The following PLCB1 variants were observed in gnomAD, a reference collection of about 807,000 sequenced individuals.
The protein encoded by PLCB1 is phospholipase C beta 1, also known as 1-phosphatidylinositol 4,5-bisphosphate phosphodiesterase beta-1.
PLCB1 carries 46 observed loss-of-function variants against 161.8 expected under a neutral mutation model. The ratio of observed to expected loss-of-function variants is 0.28; its 90% confidence interval spans 0.22 to 0.36. The LOEUF (loss-of-function observed/expected upper bound fraction) is 0.36, where lower values mean the gene tolerates loss of function less well. Among genes scored for constraint, PLCB1 ranks in the 10% least tolerant of loss-of-function variants. The pLI, the probability that PLCB1 is intolerant of heterozygous loss-of-function variation, is 1.00. For missense variants in PLCB1, 1,016 were observed against 1,472.5 expected, an observed-to-expected ratio of 0.69 and a Z score of 5.07; for synonymous variants, 517 against 503.7, an observed-to-expected ratio of 1.03 and a Z score of -0.35.
intron 3 of PLCB1, among the ~76,000 whole-genome samples, chr20:8,513,583 T>C (rs1428220036): frequency 6.6e-6 from 1 of 152,174 alleles, no homozygotes; most frequent in Non-Finnish European, 1.5e-5. Flanking sequence ...CATTGAAGTA[T>C]TGTAAGAATT....
rs61034981 is a variant in PLCB1, at chr20:8,308,242, G to A, written c.178-63140G>A. On this transcript the variant is annotated intron_variant, in intron 2 of 31. Coordinates refer to ENST00000338037, the MANE Select transcript of PLCB1 (RefSeq NM_015192.4). ...TTATTATTTAATAAACACATATATAGCACTTACCATCTGCCAAATTATTTA... is the reference window on the plus strand; with the variant it reads ...TTATTATTTAATAAACACATATATAACACTTACCATCTGCCAAATTATTTA... Among the ~76,000 whole-genome samples, 1,228 of 151,900 alleles carry A rather than the reference G, an allele frequency of 8.1e-3. 25 individuals carry two copies. The highest frequency in any genetic ancestry group is 0.027 in the African/African-American group (1,128 of 41,478).
intron 31 of PLCB1, among the ~76,000 whole-genome samples, chr20:8,793,286 A>G (rs1176508322): frequency 2.6e-5 from 4 of 152,186 alleles, no homozygotes; most frequent in African/African-American, 9.7e-5. Context: ...GCAGCAGGTA[A>G]TATTAAAGAC....
chr20:8,214,292 G>C lies in PLCB1; in HGVS notation c.177+63921G>C, dbSNP rs77878603. On this transcript the variant is annotated intron_variant, in intron 2 of 31. Coordinates refer to ENST00000338037, the MANE Select transcript of PLCB1 (RefSeq NM_015192.4). ...TGGAAGGTGATGGGATCATGGAAGC[G>C]GATTTCTCATGAATGGTTTAGCGCC... Among the ~76,000 whole-genome samples, 437 of 152,186 alleles carry C rather than the reference G, an allele frequency of 2.9e-3. 1 individual carries two copies. Among genetic ancestry groups the C allele is most frequent in the African/African-American group, 0.01 (420 of 41,532 alleles).
At chr20:8,838,957 G>A (rs180831383) in intron 31 of PLCB1, among the ~76,000 whole-genome samples, 9 of 152,280 alleles carry the variant, frequency 5.9e-5, no homozygotes, top group African/African-American at 2.2e-4. Context: ...CAGCTGTCAA[G>A]GCCAGCAATA....
intron 2 of PLCB1, among the ~76,000 whole-genome samples, chr20:8,335,083 T>C (rs575934765): frequency 1.4e-4 from 21 of 152,368 alleles, no homozygotes; most frequent in Admixed American, 1.0e-3. Context: ...TCCTATTGCC[T>C]GGGGAGTGTT....
intron 19 of PLCB1, 39 bp downstream of exon 19, chr20:8,733,431 T>C (rs752422128): frequency 4.5e-6 from 7 of 1,571,288 alleles, no homozygotes; most frequent in Non-Finnish European, 5.3e-6. Flanking sequence ...CTAACAATAG[T>C]GTTGAATTTA....
At chr20:8,324,214 GT>G (rs1291901991) in intron 2 of PLCB1, among the ~76,000 whole-genome samples, 1 of 82,598 alleles carries the variant, frequency 1.2e-5, no homozygotes, top group African/African-American at 4.6e-5. Flanking sequence ...GTGTGTGTGT[GT>G]GTGTGTGTGT....
chr20:8,465,543 C>A (rs1175387351), intron 3 of PLCB1, among the ~76,000 whole-genome samples: 1 of 152,134 alleles, frequency 6.6e-6, no homozygotes, highest in Admixed American at 6.6e-5. Flanking sequence ...TGCTCCAACT[C>A]ACACATTTGA....
intron 19 of PLCB1, among the ~76,000 whole-genome samples, chr20:8,734,812 C>T (rs1980496157): frequency 1.3e-5 from 2 of 151,968 alleles, no homozygotes; most frequent in African/African-American, 4.8e-5. Context: ...TTTTACTGGA[C>T]ATAAATGTAA....
At chr20:8,434,144 A>G (rs908316908) in intron 3 of PLCB1, among the ~76,000 whole-genome samples, 3 of 152,222 alleles carry the variant, frequency 2.0e-5, no homozygotes, top group Non-Finnish European at 2.9e-5. Flanking sequence ...TGAGGCAGGA[A>G]GATAGTTGAC....
chr20:8,253,327 G>A (rs1981252099), intron 2 of PLCB1, among the ~76,000 whole-genome samples: 1 of 151,902 alleles, frequency 6.6e-6, no homozygotes, highest in Non-Finnish European at 1.5e-5. Flanking sequence ...CCTTTTCCTA[G>A]TCCATTTCAT....
intron 2 of PLCB1, among the ~76,000 whole-genome samples, chr20:8,226,737 G>C (rs930433683): frequency 2.0e-5 from 3 of 151,542 alleles, no homozygotes; most frequent in East Asian, 1.9e-4. Flanking sequence ...TCCCTGGCTG[G>C]AGTGCAGTGG....
chr20:8,740,729 A>G (rs549121707), intron 22 of PLCB1, among the ~76,000 whole-genome samples: 1 of 152,344 alleles, frequency 6.6e-6, no homozygotes, highest in East Asian at 1.9e-4. Flanking sequence ...TTACCAACTC[A>G]TGTTATCCAT....
At chr20:8,428,894 G>A (rs1260755267) in intron 3 of PLCB1, among the ~76,000 whole-genome samples, 3 of 152,096 alleles carry the variant, frequency 2.0e-5, no homozygotes, top group Non-Finnish European at 2.9e-5. Context: ...AGAAATACAG[G>A]GGAAAATGTT....
rs1023489239 is a variant in PLCB1 at position 8,375,372 on chromosome 20, C to A, written c.246+3922C>A. On this transcript the variant is annotated intron_variant, in intron 3 of 31. Coordinates refer to ENST00000338037, the MANE Select transcript of PLCB1 (RefSeq NM_015192.4). ...TTAAAAAAAGTGTTTATCACTGCGG[C>A]CTCTGATCTATTAGTAGTTCCTGAC... Among the ~76,000 whole-genome samples the A allele has an allele frequency of 2.0e-5, 3 of 152,136 alleles. No homozygotes were observed. The South Asian group carries it at 6.2e-4, about 32-fold the overall frequency.
At chr20:8,342,576 C>T (rs995164275) in intron 2 of PLCB1, among the ~76,000 whole-genome samples, 2 of 152,174 alleles carry the variant, frequency 1.3e-5, no homozygotes, top group Non-Finnish European at 2.9e-5. Context: ...CCAGAGCATA[C>T]TCTCCCAACT....
intron 3 of PLCB1, among the ~76,000 whole-genome samples, chr20:8,393,097 G>T (rs916795805): frequency 6.6e-6 from 1 of 152,082 alleles, no homozygotes; most frequent in African/African-American, 2.4e-5. Context: ...GAGATTAAAA[G>T]ATCAGAAAAT....
chr20:8,579,881 G>A (rs1282923616), intron 3 of PLCB1, among the ~76,000 whole-genome samples: 2 of 152,158 alleles, frequency 1.3e-5, no homozygotes, highest in African/African-American at 4.8e-5. Flanking sequence ...GGAAAAATGT[G>A]AGCAAGGTCT....
At position 8,273,592 on chromosome 20, in the gene PLCB1, A is replaced by C. The variant is rs371877112; in HGVS notation, c.178-97790A>C. The stretch of plus-strand genomic sequence containing the variant: ...GAGAAATTTCATAAGCAGGAAACCT[A>C]ACCCCGCTGGCTGAACTGATATAAA... On this transcript the variant is annotated intron_variant, in intron 2 of 31. Transcript: ENST00000338037. 3.9e-5 allele frequency among the ~76,000 whole-genome samples: 6 copies of C among 152,272 alleles called. No individual in the cohort carries two copies. In the South Asian group the frequency reaches 1.0e-3, roughly 26 times the overall value.
Sources: gnomAD v4.1 joint callset for allele counts (sites outside exome capture counted in the v4.1 genomes callset) on GRCh38, gnomAD v4.1.1 for gene constraint, MANE v1.5 for transcripts, NCBI Gene and HGNC (gene_info 2026-07-23, HGNC 2026-07-21) for gene names.